Variants in CDK6 observed in about 807,000 individuals in gnomAD.
The protein encoded by CDK6 is cyclin dependent kinase 6.
CDK6 carries 6 observed loss-of-function variants against 37.1 expected under a neutral mutation model. The observed-to-expected ratio is 0.16, with a 90% CI of 0.09 to 0.32. The LOEUF (loss-of-function observed/expected upper bound fraction) is 0.32. CDK6 is among the 10% of genes least tolerant of loss of function. The pLI is 1.00. For missense variants in CDK6, 224 were observed against 418.9 expected (o/e 0.53, Z 4.06); for synonymous variants, 160 against 161.3 (o/e 0.99, Z 0.06).
chr7:92,636,755 T>C (rs1315740091), intron 5 of CDK6, among the ~76,000 whole-genome samples: 1 of 152,132 alleles, frequency 6.6e-6, no homozygotes, highest in Non-Finnish European at 1.5e-5. Flanking sequence ...AACTTCTGCC[T>C]CCTGGGTTCA....
chr7:92,621,103 C>A (rs1795796747), intron 6 of CDK6, among the ~76,000 whole-genome samples: 1 of 152,070 alleles, frequency 6.6e-6, no homozygotes. Flanking sequence ...ATTGGCAAGC[C>A]CAACAGGGCA....
At chr7:92,650,121 A>G (rs892100526) in intron 5 of CDK6, among the ~76,000 whole-genome samples, 1 of 152,192 alleles carries the variant, frequency 6.6e-6, no homozygotes, top group Non-Finnish European at 1.5e-5. Context: ...CAAACAATAC[A>G]CCCACCCTCT....
At chr7:92,820,635 A>G (rs1443943638) in intron 2 of CDK6, among the ~76,000 whole-genome samples, 1 of 152,146 alleles carries the variant, frequency 6.6e-6, no homozygotes, top group Non-Finnish European at 1.5e-5. Context: ...GTTTAGGGAT[A>G]TTATTTAAAA....
At chr7:92,623,823 T>A (rs1795862781) in intron 5 of CDK6, among the ~76,000 whole-genome samples, 1 of 152,186 alleles carries the variant, frequency 6.6e-6, no homozygotes, top group Non-Finnish European at 1.5e-5. Flanking sequence ...GCCATAGAGC[T>A]TTACTCTGAC....
intron 2 of CDK6, among the ~76,000 whole-genome samples, chr7:92,787,143 C>G (rs926835249): frequency 6.8e-6 from 1 of 147,946 alleles, no homozygotes; most frequent in Non-Finnish European, 1.5e-5. Context: ...GGTTGTGCCA[C>G]CACACTCCAA....
chr7:92,765,355 T>C (rs1799554397), intron 3 of CDK6, among the ~76,000 whole-genome samples: 1 of 152,146 alleles, frequency 6.6e-6, no homozygotes, highest in Non-Finnish European at 1.5e-5. Context: ...TTAAGGAGAA[T>C]ATATCTTATA....
At chr7:92,830,273 T>C (rs1253056177) in intron 2 of CDK6, among the ~76,000 whole-genome samples, 1 of 152,230 alleles carries the variant, frequency 6.6e-6, no homozygotes, top group Admixed American at 6.5e-5. Flanking sequence ...ATGCAGGCAG[T>C]ACCAGTGCCA....
intron 4 of CDK6, among the ~76,000 whole-genome samples, chr7:92,676,422 T>A (rs1797203801): frequency 6.6e-6 from 1 of 152,124 alleles, no homozygotes; most frequent in African/African-American, 2.4e-5. Context: ...TACTTGGTTT[T>A]TGTTCTGGGA....
intron 4 of CDK6, among the ~76,000 whole-genome samples, chr7:92,714,882 C>G (rs1286340281): frequency 6.6e-6 from 1 of 151,674 alleles, no homozygotes; most frequent in Non-Finnish European, 1.5e-5. Flanking sequence ...GCCCATTTAA[C>G]AAGGTCAGAC....
chr7:92,741,022 T>C (rs1444607796), intron 3 of CDK6, among the ~76,000 whole-genome samples: 1 of 151,982 alleles, frequency 6.6e-6, no homozygotes, highest in Non-Finnish European at 1.5e-5. Flanking sequence ...TTACAATGAG[T>C]CAATACAAAG....
In CDK6 at chr7:92,608,544, T is replaced by A. The variant is rs541603455; in HGVS notation, c.*6596A>T. The A allele has an allele frequency of 6.0e-5, 14 of 232,018 alleles. No individual in the cohort carries two copies. The South Asian group carries it at 2.5e-3, about 42-fold the overall frequency. 14.4% of individuals were successfully genotyped at this position (232,018 alleles called of 1,614,324 possible). ...AATTCCTGCAATTATACATCTTTTC[T>A]TTAAAAAAACAAAAACAAAAACAAA... is the stretch of plus-strand genomic sequence containing the variant. On this transcript the variant is annotated 3_prime_UTR_variant, in exon 8 of 8. Coordinates refer to ENST00000424848, the MANE Select transcript of CDK6 (RefSeq NM_001145306.2).
At chr7:92,829,660 T>C (rs752506383) in intron 2 of CDK6, among the ~76,000 whole-genome samples, 4 of 152,222 alleles carry the variant, frequency 2.6e-5, no homozygotes, top group Non-Finnish European at 4.4e-5. Flanking sequence ...CAGTATCTCA[T>C]ATAGATCAAT....
chr7:92,796,857 C>T lies in CDK6; in HGVS notation c.234-22026G>A, dbSNP rs77760137. ...TAGCTTTTAGTCAGAGAAGTTATAT[C>T]AATGAACAGACAGAAAAGTATCCAT... On this transcript the variant is annotated intron_variant, in intron 2 of 7. Transcript: ENST00000424848. Among the ~76,000 whole-genome samples, 1,492 of 152,086 alleles carry T rather than the reference C, an allele frequency of 9.8e-3. 16 individuals are homozygous for T. Among genetic ancestry groups the T allele is most frequent in the Non-Finnish European group, 0.016 (1,111 of 67,978 alleles).
At chr7:92,759,908 T>C (rs907332281) in intron 3 of CDK6, among the ~76,000 whole-genome samples, 29 of 152,066 alleles carry the variant, frequency 1.9e-4, no homozygotes, top group Non-Finnish European at 5.9e-5. Flanking sequence ...AAGTCTCAAA[T>C]TAAATATTTT....
At chr7:92,661,065 CAG>C (rs1371730437) in intron 5 of CDK6, among the ~76,000 whole-genome samples, 5 of 152,132 alleles carry the variant, frequency 3.3e-5, no homozygotes, top group African/African-American at 9.7e-5. Context: ...ACAGTGAGGA[CAG>C]GGAGGCTTTC....
chr7:92,670,164 C>G (rs994372889), intron 5 of CDK6, among the ~76,000 whole-genome samples: 5 of 152,210 alleles, frequency 3.3e-5, no homozygotes, highest in Non-Finnish European at 7.3e-5. Context: ...AAATGTACCA[C>G]TCCATCTCAG....
intron 5 of CDK6, among the ~76,000 whole-genome samples, chr7:92,658,410 A>G (rs775685645): frequency 3.0e-4 from 45 of 152,244 alleles, no homozygotes; most frequent in Non-Finnish European, 5.6e-4. Context: ...ATGAACTGAC[A>G]GTTATTAATC....
In CDK6 at chr7:92,614,682, C is replaced by G. The variant is rs777932074; in HGVS notation, c.*458G>C. 1 of 226,474 alleles carries G rather than the reference C, an allele frequency of 4.4e-6. No homozygotes were observed. The highest frequency in any genetic ancestry group is 1.9e-4 in the South Asian group (1 of 5,312). 14.0% of individuals were successfully genotyped at this position (226,474 alleles called of 1,614,324 possible). On this transcript the variant is annotated 3_prime_UTR_variant, in exon 8 of 8. Coordinates refer to ENST00000424848, the MANE Select transcript of CDK6 (RefSeq NM_001145306.2). Reference sequence around the variant, plus strand: ...CAAAAAGTAACACTTTAAAAGATCACAGAATCTCTCACATACACACACACA... The same window carrying G: ...CAAAAAGTAACACTTTAAAAGATCAGAGAATCTCTCACATACACACACACA...
chr7:92,711,976 CAGG>C, intron 4 of CDK6, among the ~76,000 whole-genome samples: 1 of 152,066 alleles, frequency 6.6e-6, no homozygotes, highest in East Asian at 1.9e-4. Context: ...ATCACGAGGT[CAGG>C]AGATCGAGAC....
Sources: gnomAD v4.1 joint callset for allele counts (sites outside exome capture counted in the v4.1 genomes callset) on GRCh38, gnomAD v4.1.1 for gene constraint, MANE v1.5 for transcripts, NCBI Gene and HGNC (gene_info 2026-07-23, HGNC 2026-07-21) for gene names.